CCNB1IP1: variants seen among roughly 807,000 people sequenced by gnomAD.
CCNB1IP1 encodes cyclin B1 interacting protein 1, also known as E3 ubiquitin-protein ligase CCNB1IP1.
In CCNB1IP1, 14 loss-of-function variants were observed where a neutral mutation model predicts 25.6. That is an observed-to-expected ratio of 0.55 (90% CI 0.36 to 0.85). The LOEUF (loss-of-function observed/expected upper bound fraction) is 0.85, where lower values mean the gene tolerates loss of function less well. Among genes scored for constraint, CCNB1IP1 ranks in the 40% least tolerant of loss-of-function variants. The probability of loss-of-function intolerance (pLI) is 0.01; values close to 1 mark genes in which losing one functional copy is unlikely to be tolerated. For missense variants in CCNB1IP1, 278 were observed against 342.4 expected (o/e 0.81, Z 1.48); for synonymous variants, 119 against 116.1 (o/e 1.02, Z -0.16).
Position 20,311,451 on chromosome 14 carries a change from C to G in CCNB1IP1, c.*99G>C. Reference sequence around the variant, plus strand: ...CCAGGCTGGAGTGCAGTGGCATGATCTTAGATCACTAAAGCCTCAGACTCC... The same window carrying G: ...CCAGGCTGGAGTGCAGTGGCATGATGTTAGATCACTAAAGCCTCAGACTCC... On this transcript the variant is annotated 3_prime_UTR_variant, in exon 7 of 7. Coordinates refer to ENST00000358932, the MANE Select transcript of CCNB1IP1 (RefSeq NM_021178.5). 1 of 989,208 alleles carries G rather than the reference C, an allele frequency of 1.0e-6. No homozygotes were observed. The highest frequency in any genetic ancestry group is 1.6e-6 in the Non-Finnish European group (1 of 626,396). 61.3% of individuals were successfully genotyped at this position (989,208 alleles called of 1,614,324 possible).
chr14:20,316,000 C>A, intron 5 of CCNB1IP1: 4 of 521,668 alleles, frequency 7.7e-6, no homozygotes, highest in Non-Finnish European at 1.3e-5. Flanking sequence ...GTGTGTATAC[C>A]CAAAATATAA....
Position 20,316,220 on chromosome 14 carries a change from C to A in CCNB1IP1, c.297+7G>T. 1.9e-6 allele frequency: 3 copies of A among 1,609,318 alleles called. No individual in the cohort carries two copies. Among genetic ancestry groups the A allele is most frequent in the Non-Finnish European group, 2.6e-6 (3 of 1,176,160 alleles). On this transcript the variant is annotated splice_region_variant and intron_variant, in intron 5 of 6. Coordinates refer to ENST00000358932, the MANE Select transcript of CCNB1IP1 (RefSeq NM_021178.5). Reference sequence around the variant, plus strand: ...CATGCTCAAGAGAAACTAGACTAAGCACTAACCTGATATGTCCAGAAGGCC... The same window carrying A: ...CATGCTCAAGAGAAACTAGACTAAGAACTAACCTGATATGTCCAGAAGGCC...
chr14:20,318,766 C>CT (rs1194195404), intron 4 of CCNB1IP1, among the ~76,000 whole-genome samples: 1 of 151,820 alleles, frequency 6.6e-6, no homozygotes, highest in African/African-American at 2.4e-5. Flanking sequence ...CTTAATGAAG[C>CT]TTTTTTTTCT....
intron 4 of CCNB1IP1, among the ~76,000 whole-genome samples, chr14:20,317,343 T>C (rs28378125): frequency 1.2e-3 from 184 of 152,174 alleles, no homozygotes; most frequent in African/African-American, 4.0e-3. Flanking sequence ...GAGGCGGAGC[T>C]TGCAGTGAGC....
intron 4 of CCNB1IP1, among the ~76,000 whole-genome samples, chr14:20,320,800 G>A (rs1177315150): frequency 2.6e-5 from 3 of 113,418 alleles, no homozygotes; most frequent in South Asian, 3.2e-4. Flanking sequence ...GCCAGACTCC[G>A]TCTCAAAAAA....
At chr14:20,326,864 C>CTA (rs1210585486) in intron 2 of CCNB1IP1, 71 bp from the exon 3 acceptor site, 2 of 188,284 alleles carry the variant, frequency 1.1e-5, no homozygotes, top group East Asian at 2.8e-4. Context: ...CCAGCATGTT[C>CTA]TATACCAAGT....
chr14:20,313,404 G>C, intron 6 of CCNB1IP1, 64 bp downstream of exon 6: 3 of 1,276,756 alleles, frequency 2.3e-6, no homozygotes, highest in Non-Finnish European at 3.3e-6. Flanking sequence ...GCTTGGAAGT[G>C]GGCAGAGCAG....
At chr14:20,332,635 C>A (rs1487449694) in intron 1 of CCNB1IP1, among the ~76,000 whole-genome samples, 2 of 152,124 alleles carry the variant, frequency 1.3e-5, no homozygotes, top group Non-Finnish European at 2.9e-5. Flanking sequence ...ACTAAGGTCC[C>A]TAATCTTTTT....
At chr14:20,320,162 C>A in intron 4 of CCNB1IP1, 1 of 307,016 alleles carries the variant, frequency 3.3e-6, no homozygotes. Flanking sequence ...AATTTATCAA[C>A]TTTTCCTTTT....
At chr14:20,317,713 A>G (rs1378066420) in intron 4 of CCNB1IP1, 1 of 152,236 alleles carries the variant, frequency 6.6e-6, no homozygotes, top group Non-Finnish European at 1.5e-5. Context: ...AGAGAAACAG[A>G]CCCACAGAAA....
At chr14:20,317,876 G>T (rs569574797) in intron 4 of CCNB1IP1, 3 of 152,390 alleles carry the variant, frequency 2.0e-5, no homozygotes, top group African/African-American at 7.2e-5. Flanking sequence ...CTCTGCGAGC[G>T]AGTGCTTCAG....
At chr14:20,315,422 C>T (rs1882659044) in intron 5 of CCNB1IP1, 1 of 951,962 alleles carries the variant, frequency 1.1e-6, no homozygotes, top group Admixed American at 5.4e-5. Flanking sequence ...CCAGCAAAAA[C>T]ACTATTTGGT....
intron 1 of CCNB1IP1, among the ~76,000 whole-genome samples, chr14:20,332,026 A>ATATATATATATATATATTTTT (rs59034398): frequency 2.5e-5 from 1 of 40,750 alleles, no homozygotes. Flanking sequence ...ATATATATAT[A>ATATATATATATATATATTTTT]TTTTTTTTTT....
chr14:20,327,426 T>C (rs1194966017), intron 2 of CCNB1IP1, among the ~76,000 whole-genome samples: 1 of 151,864 alleles, frequency 6.6e-6, no homozygotes, highest in East Asian at 1.9e-4. Context: ...TATAGGAAAA[T>C]TGAATTAGTA....
intron 1 of CCNB1IP1, among the ~76,000 whole-genome samples, chr14:20,332,026 A>ATATATATGATGTG (rs59034398): frequency 2.5e-5 from 1 of 40,748 alleles, no homozygotes; most frequent in Non-Finnish European, 4.4e-5. Flanking sequence ...ATATATATAT[A>ATATATATGATGTG]TTTTTTTTTT....
intron 2 of CCNB1IP1, among the ~76,000 whole-genome samples, chr14:20,328,439 A>G (rs571439272): frequency 3.0e-4 from 46 of 152,350 alleles, no homozygotes; most frequent in Non-Finnish European, 6.3e-4. Context: ...AGCTTTAACT[A>G]TGTAAAATGT....
chr14:20,311,553 A>G lies in CCNB1IP1; in HGVS notation c.831T>C (p.Ile277=). The G allele has an allele frequency of 6.2e-7, 1 of 1,612,700 alleles. No homozygotes were observed. Among genetic ancestry groups the G allele is most frequent in the South Asian group, 1.1e-5 (1 of 91,036 alleles). ...GGTGCGTGACACTATGCGTGGCTCA[A>G]ATTCTTTTTACTTTGAAGGCCCTGC... ...VSSRAFKVKR[I] The change falls in exon 7 of 7, where the codon ATT becomes ATC. Residue 277 remains isoleucine, a synonymous_variant. Coordinates refer to ENST00000358932, the MANE Select transcript of CCNB1IP1 (RefSeq NM_021178.5).
Position 20,311,460 on chromosome 14 carries a change from C to T in CCNB1IP1, c.*90G>A, listed in dbSNP as rs1882475703. On this transcript the variant is annotated 3_prime_UTR_variant, in exon 7 of 7. Coordinates refer to ENST00000358932, the MANE Select transcript of CCNB1IP1 (RefSeq NM_021178.5). ...AGTGCAGTGGCATGATCTTAGATCA[C>T]TAAAGCCTCAGACTCCTGGGCTCAA... 1 of 1,098,976 alleles carries T rather than the reference C, an allele frequency of 9.1e-7. No homozygotes were observed. Among genetic ancestry groups the T allele is most frequent in the Non-Finnish European group, 1.4e-6 (1 of 721,926 alleles). The allele number at this position is 1,098,976 out of a possible 1,614,324, so 68.1% of individuals were successfully genotyped here.
At chr14:20,316,712 A>T (rs944417463) in intron 4 of CCNB1IP1, among the ~76,000 whole-genome samples, 152 bp from the exon 5 acceptor site, 3 of 152,248 alleles carry the variant, frequency 2.0e-5, no homozygotes, top group African/African-American at 7.2e-5. Flanking sequence ...GATTTCAGTT[A>T]CTCAATAATA....
Sources: allele counts gnomAD v4.1 joint callset (sites outside exome capture counted in the v4.1 genomes callset), GRCh38; gene constraint gnomAD v4.1.1; transcripts MANE v1.5; gene names NCBI Gene and HGNC (gene_info 2026-07-23, HGNC 2026-07-21).